KIRREL3: variants seen among roughly 807,000 people sequenced by gnomAD.
KIRREL3 encodes kin of IRRE-like protein 3.
In KIRREL3, 36 loss-of-function variants were observed where a neutral mutation model predicts 89.7. That is an observed-to-expected ratio of 0.40 (90% confidence interval 0.31 to 0.53). The LOEUF (loss-of-function observed/expected upper bound fraction) is 0.53. KIRREL3 is among the 20% of genes least tolerant of loss of function. KIRREL3 has a pLI of 0.49. For synonymous variants in KIRREL3, 445 were observed against 441.4 expected (o/e 1.01, Z -0.10); for missense variants, 864 against 1,056.6 (o/e 0.82, Z 2.53).
intron 1 of KIRREL3, among the ~76,000 whole-genome samples, chr11:126,662,249 C>G (rs566914268): frequency 2.0e-5 from 3 of 152,138 alleles, no homozygotes; most frequent in South Asian, 2.1e-4. Flanking sequence ...TGACTAAGAG[C>G]CCATTACCAT....
chr11:126,526,466 C>T lies in KIRREL3; in HGVS notation c.283+72G>A. ...CAGACACCTGTGAAGATGGGTGCTC[C>T]CTAGGAAGGTGGATGGGTGAGTAAG... On this transcript the variant is annotated intron_variant, in intron 3 of 16. Coordinates refer to ENST00000525144, the MANE Select transcript of KIRREL3 (RefSeq NM_032531.4). The surrounding 1 kb of genome is among the most constrained non-coding windows in gnomAD (Gnocchi z 5.7). 2 of 1,458,696 alleles carry T rather than the reference C, an allele frequency of 1.4e-6. No individual in the cohort carries two copies. Among genetic ancestry groups the T allele is most frequent in the Non-Finnish European group, 1.9e-6 (2 of 1,063,256 alleles). The allele number at this position is 1,458,696 out of a possible 1,614,324, so 90.4% of individuals were successfully genotyped here. A position where few individuals can be genotyped will look rare whatever the true frequency, so the allele number is the denominator to read the frequency against.
At chr11:126,938,437 A>G (rs1438149722) in intron 1 of KIRREL3, among the ~76,000 whole-genome samples, 1 of 152,216 alleles carries the variant, frequency 6.6e-6, no homozygotes, top group Non-Finnish European at 1.5e-5. Context: ...TAAGGCTAAG[A>G]AAGGTCAAGT....
chr11:126,913,565 T>G (rs1490199005), intron 1 of KIRREL3, among the ~76,000 whole-genome samples: 1 of 152,262 alleles, frequency 6.6e-6, no homozygotes, highest in East Asian at 1.9e-4. Flanking sequence ...ACGCAGTCCA[T>G]GAAGAGGAAG....
intron 1 of KIRREL3, among the ~76,000 whole-genome samples, chr11:126,760,436 A>G (rs957322980): frequency 2.6e-5 from 4 of 152,238 alleles, no homozygotes; most frequent in Admixed American, 2.0e-4. Flanking sequence ...GAACATCAAC[A>G]AATACCCCAT....
rs1939773787 is a variant in KIRREL3, at chr11:126,557,225, C to T, written c.133+5610G>A. Reference sequence around the variant, plus strand: ...CCCACAGGCCTGCCCGACTCTTTCCCTGCCACCCAGCATATAGCTGATATG... The same window carrying T: ...CCCACAGGCCTGCCCGACTCTTTCCTTGCCACCCAGCATATAGCTGATATG... On this transcript the variant is annotated intron_variant, in intron 2 of 16. Coordinates refer to ENST00000525144, the MANE Select transcript of KIRREL3 (RefSeq NM_032531.4). The surrounding 1 kb of genome is among the most constrained non-coding windows in gnomAD (Gnocchi z 5.6). 6.6e-6 allele frequency among the ~76,000 whole-genome samples: 1 copy of T among 152,240 alleles called. No individual in the cohort carries two copies. The highest frequency in any genetic ancestry group is 2.4e-5 in the African/African-American group (1 of 41,458).
At chr11:126,975,884 TTCCCTCCCTCCCTCCC>T (rs1026239322) in intron 1 of KIRREL3, among the ~76,000 whole-genome samples, 1 of 125,892 alleles carries the variant, frequency 7.9e-6, no homozygotes, top group African/African-American at 3.3e-5. Context: ...GGTTTTTCTT[TTCCCTCCCTCCCTCCC>T]TCCCTTCCTC....
rs1455895658 is a variant in KIRREL3, at chr11:126,682,754, G to A, written c.56-119842C>T. Among the ~76,000 whole-genome samples the A allele has an allele frequency of 1.3e-5, 2 of 152,094 alleles. No individual in the cohort carries two copies. Among genetic ancestry groups the A allele is most frequent in the South Asian group, 2.1e-4 (1 of 4,814 alleles). ...GCTGGTGCTCCTAGGAGAATCTAAC[G>A]CCTCTGCTGATCTGACAGGAGGCAG... On this transcript the variant is annotated intron_variant, in intron 1 of 16. Transcript: ENST00000525144. This position sits in a 1 kb window ranked among gnomAD's most constrained non-coding sequence, Gnocchi z 4.8.
rs1947078076 is a variant in KIRREL3 at position 126,917,252 on chromosome 11, C to G, written c.55+83203G>C. Among the ~76,000 whole-genome samples, 2 of 151,968 alleles carry G rather than the reference C, an allele frequency of 1.3e-5. No homozygotes were observed. Among genetic ancestry groups the G allele is most frequent in the African/African-American group, 4.8e-5 (2 of 41,368 alleles). ...ACTTATATGAAGTATTCAGAATAGG[C>G]AAATTCATAAAAATAAAAAATAGAT... On this transcript the variant is annotated intron_variant, in intron 1 of 16. Transcript: ENST00000525144. This position sits in a 1 kb window ranked among gnomAD's most constrained non-coding sequence, Gnocchi z 5.0.
At chr11:126,573,324 G>A (rs1182817004) in intron 1 of KIRREL3, among the ~76,000 whole-genome samples, 13 of 152,328 alleles carry the variant, frequency 8.5e-5, no homozygotes, top group Admixed American at 6.5e-4. Flanking sequence ...TCCCTCACAC[G>A]TTTCCGCAGA....
intron 1 of KIRREL3, among the ~76,000 whole-genome samples, chr11:126,919,573 A>G (rs1047846898): frequency 6.6e-6 from 1 of 152,226 alleles, no homozygotes; most frequent in African/African-American, 2.4e-5. Context: ...GCTGGAGTAG[A>G]TAACAGAGCT....
In KIRREL3 at chr11:126,780,599, G is replaced by A. The variant is rs140089534; in HGVS notation, c.56-217687C>T. On this transcript the variant is annotated intron_variant, in intron 1 of 16. Coordinates refer to ENST00000525144, the MANE Select transcript of KIRREL3 (RefSeq NM_032531.4). This position sits in a 1 kb window ranked among gnomAD's most constrained non-coding sequence, Gnocchi z 5.3. The stretch of plus-strand genomic sequence containing the variant: ...TGACAGAACATCAAGCTTGGGGGAT[G>A]TCCCATGCAAAGGTAAACGAGTACC... 1.3e-3 allele frequency among the ~76,000 whole-genome samples: 201 copies of A among 152,286 alleles called. No individual in the cohort carries two copies. Among genetic ancestry groups the A allele is most frequent in the Non-Finnish European group, 2.4e-3 (160 of 68,012 alleles).
Position 126,740,863 on chromosome 11 carries a change from C to A in KIRREL3, c.56-177951G>T, listed in dbSNP as rs1352169249. Among the ~76,000 whole-genome samples, 1 of 152,160 alleles carries A rather than the reference C, an allele frequency of 6.6e-6. No homozygotes were observed. The highest frequency in any genetic ancestry group is 1.5e-5 in the Non-Finnish European group (1 of 68,026). On this transcript the variant is annotated intron_variant, in intron 1 of 16. Transcript: ENST00000525144. The surrounding 1 kb of genome is among the most constrained non-coding windows in gnomAD (Gnocchi z 6.0). ...GTCGTGCTTCTTGGAAAAAGCCACT[C>A]ACTGAGAAAGAAGATATCCATTGTT...
rs1209299161 is a variant in KIRREL3, at chr11:126,802,421, G to T, written c.55+198034C>A. 6.6e-6 allele frequency among the ~76,000 whole-genome samples: 1 copy of T among 152,156 alleles called. No homozygotes were observed. Among genetic ancestry groups the T allele is most frequent in the African/African-American group, 2.4e-5 (1 of 41,442 alleles). On this transcript the variant is annotated intron_variant, in intron 1 of 16. Coordinates refer to ENST00000525144, the MANE Select transcript of KIRREL3 (RefSeq NM_032531.4). The surrounding 1 kb of genome is among the most constrained non-coding windows in gnomAD (Gnocchi z 5.2). ...CAATGCCATTAATTAAAACATTGAT[G>T]AGAAAAATATATCACTTTCCAGCTG...
chr11:126,639,740 G>A lies in KIRREL3; in HGVS notation c.56-76828C>T, dbSNP rs948501973. ...ACCCACTTTCCAACTCATCTGTCTG[G>A]ATCAGTCATTTACAAAGTTATTTTT... On this transcript the variant is annotated intron_variant, in intron 1 of 16. Transcript: ENST00000525144. This position sits in a 1 kb window ranked among gnomAD's most constrained non-coding sequence, Gnocchi z 4.3. Among the ~76,000 whole-genome samples, 3 of 152,134 alleles carry A rather than the reference G, an allele frequency of 2.0e-5. No homozygotes were observed. The highest frequency in any genetic ancestry group is 4.4e-5 in the Non-Finnish European group (3 of 68,020).
chr11:126,944,070 C>T (rs893420009), intron 1 of KIRREL3, among the ~76,000 whole-genome samples: 1 of 152,156 alleles, frequency 6.6e-6, no homozygotes, highest in Non-Finnish European at 1.5e-5. Flanking sequence ...AGATCCTTAT[C>T]TCTGAAGATA....
chr11:126,980,398 T>C lies in KIRREL3; in HGVS notation c.55+20057A>G, dbSNP rs560943425. The stretch of plus-strand genomic sequence containing the variant: ...GCTGGGTAAGGATGGAGGTGTCAGA[T>C]ACCAAGTGAAGGTATTGGGGCTTTG... On this transcript the variant is annotated intron_variant, in intron 1 of 16. Transcript: ENST00000525144. 1.9e-3 allele frequency among the ~76,000 whole-genome samples: 295 copies of C among 152,260 alleles called. 1 individual carries two copies. Among genetic ancestry groups the C allele is most frequent in the South Asian group, 4.8e-3 (23 of 4,824 alleles).
rs1026382094 is a variant in KIRREL3, at chr11:126,623,890, G to T, written c.56-60978C>A. On this transcript the variant is annotated intron_variant, in intron 1 of 16. Transcript: ENST00000525144. The surrounding 1 kb of genome is among the most constrained non-coding windows in gnomAD (Gnocchi z 4.1). ...GCCTCTCCCCAACCCCAGTCCAGAA[G>T]GGGCTGGCAGGTACCTCTTTTTATT... Among the ~76,000 whole-genome samples, 1 of 152,204 alleles carries T rather than the reference G, an allele frequency of 6.6e-6. No individual in the cohort carries two copies. Among genetic ancestry groups the T allele is most frequent in the Admixed American group, 6.5e-5 (1 of 15,278 alleles).
rs1043262400 is a variant in KIRREL3 at position 126,435,256 on chromosome 11, C to T, written c.1588+12G>A. On this transcript the variant is annotated intron_variant, in intron 13 of 16. Transcript: ENST00000525144. The stretch of plus-strand genomic sequence containing the variant: ...CCCTTCCCAGGGCCATTCTCATCAT[C>T]TCCTTCCGTACCTGCTTCCAGCCCG... 3.7e-6 allele frequency: 6 copies of T among 1,613,654 alleles called. No homozygotes were observed. The African/African-American group carries it at 5.3e-5, about 14-fold the overall frequency.
chr11:126,742,981 C>T lies in KIRREL3; in HGVS notation c.56-180069G>A, dbSNP rs900970911. 2.6e-5 allele frequency among the ~76,000 whole-genome samples: 4 copies of T among 152,190 alleles called. No homozygotes were observed. The highest frequency in any genetic ancestry group is 9.7e-5 in the African/African-American group (4 of 41,432). On this transcript the variant is annotated intron_variant, in intron 1 of 16. Coordinates refer to ENST00000525144, the MANE Select transcript of KIRREL3 (RefSeq NM_032531.4). This position sits in a 1 kb window ranked among gnomAD's most constrained non-coding sequence, Gnocchi z 5.3. Reference sequence around the variant, plus strand: ...TAGGTCAGCTGCCCAGGGGCTGTCCCCTGCTCAGCTTATCTGAGATGAGGC... The same window carrying T: ...TAGGTCAGCTGCCCAGGGGCTGTCCTCTGCTCAGCTTATCTGAGATGAGGC...
Sources: allele counts gnomAD v4.1 joint callset (sites outside exome capture counted in the v4.1 genomes callset), GRCh38; gene constraint gnomAD v4.1.1; non-coding constraint Gnocchi (gnomAD v3.1); transcripts MANE v1.5; gene names NCBI Gene and HGNC (gene_info 2026-07-23, HGNC 2026-07-21).